BBX: variants seen among roughly 807,000 people sequenced by gnomAD.
The protein encoded by BBX is BBX high mobility group box domain containing.
Under a neutral mutation model 100.2 loss-of-function variants are expected in BBX, and 30 were observed. The ratio of observed to expected loss-of-function variants is 0.30; its 90% CI spans 0.22 to 0.41. BBX has a LOEUF of 0.41. BBX is among the 10% of genes least tolerant of loss of function. BBX has a pLI of 1.00. For missense variants in BBX, 1,023 were observed against 1,129.8 expected, an observed-to-expected ratio of 0.91 and a Z score of 1.35; for synonymous variants, 376 against 388.1, an observed-to-expected ratio of 0.97 and a Z score of 0.37.
chr3:107,572,067 T>C (rs1235776282), intron 2 of BBX, among the ~76,000 whole-genome samples: 1 of 152,174 alleles, frequency 6.6e-6, no homozygotes, highest in Non-Finnish European at 1.5e-5. Context: ...TATGAAAGGG[T>C]AAATAAAGGT....
intron 2 of BBX, among the ~76,000 whole-genome samples, chr3:107,598,494 A>G (rs1019412129): frequency 1.3e-5 from 2 of 152,202 alleles, no homozygotes; most frequent in Non-Finnish European, 2.9e-5. Context: ...ACTACTTGCA[A>G]TTTTGAGTAA....
At chr3:107,736,005 GT>G (rs531626828) in intron 7 of BBX, among the ~76,000 whole-genome samples, 1 of 151,998 alleles carries the variant, frequency 6.6e-6, no homozygotes, top group African/African-American at 2.4e-5. Context: ...AATCGGCCTT[GT>G]TTTTTTATAC....
At chr3:107,741,739 G>A (rs903093078) in intron 7 of BBX, among the ~76,000 whole-genome samples, 1 of 152,172 alleles carries the variant, frequency 6.6e-6, no homozygotes, top group Non-Finnish European at 1.5e-5. Flanking sequence ...TACTTTAAAT[G>A]CAGACATCAC....
chr3:107,536,357 T>G (rs2048490899), intron 2 of BBX, among the ~76,000 whole-genome samples: 1 of 152,202 alleles, frequency 6.6e-6, no homozygotes, highest in Non-Finnish European at 1.5e-5. Flanking sequence ...GATTAAAAGT[T>G]TGTCTTTTTT....
chr3:107,722,491 A>G (rs1463692413), intron 5 of BBX, among the ~76,000 whole-genome samples: 1 of 152,018 alleles, frequency 6.6e-6, no homozygotes, highest in African/African-American at 2.4e-5. Flanking sequence ...TAAAAAAACT[A>G]CTATTGCCAT....
chr3:107,649,312 A>G (rs1336468617), intron 3 of BBX, among the ~76,000 whole-genome samples: 2 of 152,198 alleles, frequency 1.3e-5, no homozygotes, highest in African/African-American at 4.8e-5. Context: ...TTAAAAAAAA[A>G]TAAGGTTAGA....
intron 7 of BBX, among the ~76,000 whole-genome samples, chr3:107,744,217 G>A (rs180870907): frequency 8.5e-5 from 13 of 152,164 alleles, no homozygotes; most frequent in Admixed American, 2.0e-4. Context: ...AAGTCTCTGG[G>A]AGAGGATGTA....
chr3:107,561,979 G>A (rs1262314769), intron 2 of BBX, among the ~76,000 whole-genome samples: 3 of 152,102 alleles, frequency 2.0e-5, no homozygotes, highest in African/African-American at 4.8e-5. Context: ...TTGCATTTGG[G>A]GATACATTGA....
chr3:107,779,072 T>A (rs2067606998), intron 13 of BBX, among the ~76,000 whole-genome samples: 1 of 145,686 alleles, frequency 6.9e-6, no homozygotes, highest in Admixed American at 7.0e-5. Context: ...AAAAATGCTT[T>A]GTTTAGTATA....
chr3:107,713,982 T>C (rs2061920035), intron 4 of BBX, among the ~76,000 whole-genome samples: 2 of 135,636 alleles, frequency 1.5e-5, no homozygotes, highest in Admixed American at 7.3e-5. Flanking sequence ...TTTTTTTTTT[T>C]TTTTTTTTTT....
At chr3:107,713,896 G>A (rs990784364) in intron 4 of BBX, among the ~76,000 whole-genome samples, 2 of 150,420 alleles carry the variant, frequency 1.3e-5, no homozygotes, top group Non-Finnish European at 3.0e-5. Flanking sequence ...CTCCATTGAC[G>A]ACCTGACACA....
chr3:107,739,125 T>G (rs2063876360), intron 7 of BBX, among the ~76,000 whole-genome samples: 1 of 152,222 alleles, frequency 6.6e-6, no homozygotes, highest in African/African-American at 2.4e-5. Context: ...ATGGAAACTT[T>G]TCACTTTCTT....
chr3:107,736,328 G>A (rs2063633057), intron 7 of BBX, among the ~76,000 whole-genome samples: 1 of 151,994 alleles, frequency 6.6e-6, no homozygotes, highest in African/African-American at 2.4e-5. Context: ...TCAGTAAAAT[G>A]TAAGTACCAG....
chr3:107,683,729 T>C lies in BBX; in HGVS notation c.-9-26723T>C, dbSNP rs73850121. Among the ~76,000 whole-genome samples the C allele has an allele frequency of 1.4e-3, 211 of 152,292 alleles. 1 individual carries two copies. The highest frequency in any genetic ancestry group is 4.9e-3 in the African/African-American group (203 of 41,568). The stretch of plus-strand genomic sequence containing the variant: ...GATTTGGCGTTAGAGGTCACATTCA[T>C]ACAAAACTCTGTTTTATGAGAGCAA... On this transcript the variant is annotated intron_variant, in intron 3 of 17. Coordinates refer to ENST00000325805, the MANE Select transcript of BBX (RefSeq NM_001142568.3).
At chr3:107,613,337 C>T (rs1162904072) in intron 2 of BBX, among the ~76,000 whole-genome samples, 1 of 149,928 alleles carries the variant, frequency 6.7e-6, no homozygotes, top group Non-Finnish European at 1.5e-5. Context: ...CAGGCGCCCG[C>T]CACCACGACC....
chr3:107,524,622 G>C (rs965182174), intron 1 of BBX: 4 of 143,772 alleles, frequency 2.8e-5, no homozygotes, highest in Non-Finnish European at 4.6e-5. Context: ...AGAGGGGGGG[G>C]GGGGGAGAGG....
intron 10 of BBX, among the ~76,000 whole-genome samples, chr3:107,763,356 T>G (rs1304696025): frequency 6.6e-6 from 1 of 152,150 alleles, no homozygotes; most frequent in African/African-American, 2.4e-5. Context: ...TCCCTTACTT[T>G]TTATCTAGTA....
chr3:107,799,922 C>T (rs970439989), intron 16 of BBX, among the ~76,000 whole-genome samples: 8 of 152,188 alleles, frequency 5.3e-5, no homozygotes, highest in African/African-American at 1.9e-4. Flanking sequence ...TACTAGTGGC[C>T]TTGGCTGTTG....
intron 2 of BBX, chr3:107,526,887 A>G (rs1388165906): frequency 1.3e-5 from 2 of 152,276 alleles, no homozygotes; most frequent in Non-Finnish European, 2.9e-5. Flanking sequence ...GGGGTGGGGA[A>G]AGGTGGGATT....
Sources: gnomAD v4.1 joint callset for allele counts (sites outside exome capture counted in the v4.1 genomes callset) on GRCh38, gnomAD v4.1.1 for gene constraint, MANE v1.5 for transcripts, NCBI Gene and HGNC (gene_info 2026-07-23, HGNC 2026-07-21) for gene names.